Variants in TTLL4 observed in about 807,000 individuals in gnomAD.
TTLL4 encodes tubulin monoglutamylase TTLL4.
In TTLL4, 85 loss-of-function variants were observed where a neutral mutation model predicts 122.7. The observed-to-expected ratio is 0.69, with a 90% CI of 0.58 to 0.83. TTLL4 has a LOEUF of 0.83. TTLL4 is among the 40% of genes least tolerant of loss of function. The pLI is 0.00. For missense variants in TTLL4, 1,363 were observed against 1,488.6 expected (o/e 0.92, Z 1.39); for synonymous variants, 553 against 563.0 (o/e 0.98, Z 0.25).
intron 8 of TTLL4, 109 bp from the exon 9 acceptor site, chr2:218,746,894 A>G: frequency 4.0e-6 from 5 of 1,262,696 alleles, no homozygotes; most frequent in Non-Finnish European, 5.5e-6. Context: ...AGATGGAACA[A>G]AAGCTTGGAG....
chr2:218,748,246 C>A lies in TTLL4; in HGVS notation c.2501+19C>A, dbSNP rs757759992. Reference sequence around the variant, plus strand: ...ACAAATGGTACTGAGGGCAGAGTGTCCCAGTCCAGTGAAGGCCTAGAGGAA... The same window carrying A: ...ACAAATGGTACTGAGGGCAGAGTGTACCAGTCCAGTGAAGGCCTAGAGGAA... On this transcript the variant is annotated intron_variant, in intron 12 of 19. Coordinates refer to ENST00000392102, the MANE Select transcript of TTLL4 (RefSeq NM_014640.5). The A allele has an allele frequency of 1.8e-5, 29 of 1,613,820 alleles. No homozygotes were observed. The highest frequency in any genetic ancestry group is 2.5e-5 in the Non-Finnish European group (29 of 1,179,904).
rs757871899 is a variant in TTLL4, at chr2:218,748,119, T to C, written c.2393T>C (p.Met798Thr). 4 of 1,614,144 alleles carry C rather than the reference T, an allele frequency of 2.5e-6. No individual in the cohort carries two copies. The Admixed American group carries it at 6.7e-5, about 27-fold the overall frequency. Reference protein sequence around the residue: ...RFASCKYSPSMKSLGNKFMHL... With the variant: ...RFASCKYSPSTKSLGNKFMHL... The stretch of plus-strand genomic sequence containing the variant: ...CTTACTTCCAGGTATTCGCCTTCCA[T>C]GAAGAGCCTTGGCAATAAGTTCATG... The change falls in exon 12 of 20, where the codon ATG (methionine) becomes ACG (threonine). Residue 798 changes from methionine (M) to threonine (T), a missense_variant. By Grantham distance (81) the Met-to-Thr change is moderately conservative. This residue lies in a region of TTLL4 where 596 missense variants were observed against 655.8 expected (regional missense o/e 0.91). Coordinates refer to ENST00000392102, the MANE Select transcript of TTLL4 (RefSeq NM_014640.5).
Position 218,740,086 on chromosome 2 carries a change from G to A in TTLL4, c.1516G>A (p.Ala506Thr). 1 of 1,614,208 alleles carries A rather than the reference G, an allele frequency of 6.2e-7. No homozygotes were observed. ...AGCTACTGACCTCCAGCCAGATCAG[G>A]CTGAGACTGAAGATACAGAAGAAGA... ...SSATDLQPDQ[A>T]ETEDTEEELV... is the part of the protein sequence containing the mutation. Residue 506 changes from alanine to threonine, a missense_variant, in exon 4 of 20, where the codon GCT (alanine) becomes ACT (threonine). Transcript: ENST00000392102.
At chr2:218,713,426 C>T (rs567661531) in intron 1 of TTLL4, among the ~76,000 whole-genome samples, 4 of 152,154 alleles carry the variant, frequency 2.6e-5, no homozygotes, top group South Asian at 2.1e-4. Flanking sequence ...TACAGGCATG[C>T]GCCACCCATC....
At chr2:218,724,235 TAAA>T (rs979953389) in intron 1 of TTLL4, among the ~76,000 whole-genome samples, 7 of 152,038 alleles carry the variant, frequency 4.6e-5, no homozygotes, top group Admixed American at 3.9e-4. Context: ...ATTGCAAAAT[TAAA>T]AAAAAATTTT....
rs150883235 is a variant in TTLL4, at chr2:218,750,100, G to A, written c.2827G>A (p.Glu943Lys). The A allele has an allele frequency of 6.2e-7, 1 of 1,614,040 alleles. No individual in the cohort carries two copies. The highest frequency in any genetic ancestry group is 8.5e-7 in the Non-Finnish European group (1 of 1,179,950). Residue 943 changes from glutamate (E) to lysine (K), a missense_variant, in exon 15 of 20, where the codon GAG becomes AAG. Physicochemically the swap from Glu to Lys is moderately conservative, Grantham distance 56 (BLOSUM62 1). Coordinates refer to ENST00000392102, the MANE Select transcript of TTLL4 (RefSeq NM_014640.5). ...NLAGFVLPNA[E>K]DIISSPSSCS... ...GGCAGGTTTTGTCCTGCCCAATGCA[G>A]AGGATATCATTTCCAGCCCCAGCAG...
At chr2:218,745,393 C>A in intron 6 of TTLL4, 160 bp downstream of exon 6, 1 of 906,184 alleles carries the variant, frequency 1.1e-6, no homozygotes, top group Non-Finnish European at 1.7e-6. Context: ...AGGTCTGATG[C>A]AACCTTTTTC....
chr2:218,721,321 G>C (rs562454933), intron 1 of TTLL4, among the ~76,000 whole-genome samples: 1 of 152,042 alleles, frequency 6.6e-6, no homozygotes, highest in Non-Finnish European at 1.5e-5. Flanking sequence ...CAAGCGATTC[G>C]CCCCACCCAA....
At position 218,740,562 on chromosome 2, in the gene TTLL4, G is replaced by C. The variant is rs1942671151; in HGVS notation, c.1639G>C (p.Glu547Gln). 1.9e-6 allele frequency: 3 copies of C among 1,613,992 alleles called. No individual in the cohort carries two copies. The highest frequency in any genetic ancestry group is 2.5e-6 in the Non-Finnish European group (3 of 1,180,034). Residue 547 changes from glutamate (E) to glutamine (Q), a missense_variant, in exon 5 of 20, where the codon GAA (glutamate) becomes CAA (glutamine). Transcript: ENST00000392102. ...CTCATTAAGTGCTGTCTCCCCCAGC[G>C]AATCGGTGGCCATGATCTCTAGGTA... ...CSSLSAVSPS[E>Q]SVAMISRSCM... is the part of the protein sequence containing the mutation.
chr2:218,728,314 A>G (rs1164832944), intron 2 of TTLL4, among the ~76,000 whole-genome samples: 1 of 152,232 alleles, frequency 6.6e-6, no homozygotes, highest in Non-Finnish European at 1.5e-5. Flanking sequence ...TCCTGAAACT[A>G]GATGGTCCCA....
chr2:218,743,605 G>C (rs1359949232), intron 5 of TTLL4, among the ~76,000 whole-genome samples: 1 of 152,108 alleles, frequency 6.6e-6, no homozygotes, highest in Non-Finnish European at 1.5e-5. Flanking sequence ...TACATGTTTA[G>C]TTTTTTTAAG....
chr2:218,741,490 A>C (rs1942700056), intron 5 of TTLL4, among the ~76,000 whole-genome samples: 1 of 152,134 alleles, frequency 6.6e-6, no homozygotes. Context: ...ATCTCTGTGA[A>C]ATGTTATGGT....
In TTLL4 at chr2:218,739,157, A is replaced by G; in HGVS notation, c.1481A>G (p.Asp494Gly). The change falls in exon 3 of 20, where the codon GAT (aspartate) becomes GGT (glycine). Residue 494 changes from aspartate (D) to glycine (G), a missense_variant. Physicochemically the swap from Asp to Gly is moderately conservative, Grantham distance 94 (BLOSUM62 -1). This residue lies in a region of TTLL4 where 760 missense variants were observed against 808.4 expected (regional missense o/e 0.94). Coordinates refer to ENST00000392102, the MANE Select transcript of TTLL4 (RefSeq NM_014640.5). ...AGGGAGCTGGACTCATCTGATAGGG[A>G]TATTAGGTATGTTGGCAATGTTTTT... Reference protein sequence around the residue: ...EARELDSSDRDISSATDLQPD... With the variant: ...EARELDSSDRGISSATDLQPD... 6.2e-7 allele frequency: 1 copy of G among 1,609,718 alleles called. No homozygotes were observed. Among genetic ancestry groups the G allele is most frequent in the Non-Finnish European group, 8.5e-7 (1 of 1,178,702 alleles).
At position 218,719,570 on chromosome 2, in the gene TTLL4, T is replaced by TAA. The variant is rs542414750; in HGVS notation, c.-177-7683_-177-7682dup. Among the ~76,000 whole-genome samples, 901 of 135,768 alleles carry TAA rather than the reference T, an allele frequency of 6.6e-3. 10 individuals are homozygous for TAA. Among genetic ancestry groups the TAA allele is most frequent in the Non-Finnish European group, 8.3e-3 (531 of 63,674 alleles). 89.1% of individuals were successfully genotyped at this position (135,768 alleles called of 152,430 possible). ...GGTAGGAGGAAATGGAAATAAGCCT[T>TAA]AAAAAAAAAAAAAAAAAGATTAAGG... On this transcript the variant is annotated intron_variant, in intron 1 of 19. Transcript: ENST00000392102.
chr2:218,747,144 C>T lies in TTLL4; in HGVS notation c.2116C>T (p.Leu706=), dbSNP rs996878890. 6.2e-7 allele frequency: 1 copy of T among 1,614,218 alleles called. No homozygotes were observed. The highest frequency in any genetic ancestry group is 8.5e-7 in the Non-Finnish European group (1 of 1,180,042). The change falls in exon 9 of 20, where the codon CTG becomes TTG. Residue 706 remains leucine, a synonymous_variant. Transcript: ENST00000392102. This position sits in a 1 kb window ranked among gnomAD's most constrained non-coding sequence, Gnocchi z 4.7. The part of the protein sequence containing the change: ...SFILPQDAKL[L]RKAWESSSRQ... ...TATCCTGCCCCAGGACGCCAAGCTCCTGCGCAAAGCGTGGGAGAGCAGCAG... is the reference window on the plus strand; with the variant it reads ...TATCCTGCCCCAGGACGCCAAGCTCTTGCGCAAAGCGTGGGAGAGCAGCAG...
intron 2 of TTLL4, among the ~76,000 whole-genome samples, chr2:218,728,668 G>A (rs1942263877): frequency 6.6e-6 from 1 of 152,148 alleles, no homozygotes; most frequent in East Asian, 1.9e-4. Flanking sequence ...GGAATATCCT[G>A]GCAATGTGGG....
intron 18 of TTLL4, 120 bp downstream of exon 18, chr2:218,753,305 C>G: frequency 9.0e-7 from 1 of 1,105,542 alleles, no homozygotes; most frequent in East Asian, 2.4e-5. Context: ...CTAGGCTCTG[C>G]TTCTGTCTCA....
chr2:218,745,681 T>A lies in TTLL4; in HGVS notation c.1787-10T>A. 5.1e-6 allele frequency: 8 copies of A among 1,561,316 alleles called. No individual in the cohort carries two copies. Among genetic ancestry groups the A allele is most frequent in the Non-Finnish European group, 7.0e-6 (8 of 1,137,206 alleles). On this transcript the variant is annotated splice_polypyrimidine_tract_variant and intron_variant, in intron 6 of 19. Transcript: ENST00000392102. ...ATCCCCCATCCCCACACCCCTTGCA[T>A]TCTTCCCAGTGGAGAAACTTCCCTG...
rs114179677 is a variant in TTLL4, at chr2:218,738,014, A to T, written c.338A>T (p.Asn113Ile). The T allele has an allele frequency of 6.2e-7, 1 of 1,614,180 alleles. No individual in the cohort carries two copies. The highest frequency in any genetic ancestry group is 8.5e-7 in the Non-Finnish European group (1 of 1,180,040). The change falls in exon 3 of 20, where the codon AAC (asparagine) becomes ATC (isoleucine). Residue 113 changes from asparagine to isoleucine, a missense_variant. Physicochemically the swap from Asn to Ile is moderately radical, Grantham distance 149. Around this residue, in one of 3 missense-constraint regions of TTLL4, gnomAD observed 760 missense variants for 808.4 expected, o/e 0.94. Transcript: ENST00000392102. ...CYLHSLPDLF[N>I]STLLYRRSSY... ...CTACACTCTCTCCCGGACTTGTTCA[A>T]CAGCACCCTGCTATACCGCCGCTCC...
Sources: allele counts gnomAD v4.1 joint callset (sites outside exome capture counted in the v4.1 genomes callset), GRCh38; gene constraint gnomAD v4.1.1; regional missense constraint gnomAD v4.1.1; non-coding constraint Gnocchi (gnomAD v3.1); transcripts MANE v1.5; gene names NCBI Gene and HGNC (gene_info 2026-07-23, HGNC 2026-07-21).